Variants in LRRC37A observed in about 807,000 individuals in gnomAD.
LRRC37A encodes the protein leucine rich repeat containing 37A.
A neutral mutation model predicts 35.4 loss-of-function variants in LRRC37A; 3 were observed. The ratio of observed to expected loss-of-function variants is 0.08; its 90% CI spans 0.04 to 0.22. The LOEUF is 0.22. LRRC37A is among the 10% of genes least tolerant of loss of function. LRRC37A has a pLI of 1.00. For synonymous variants in LRRC37A, 23 were observed against 215.0 expected (o/e 0.11, Z 7.81); for missense variants, 67 against 565.3 (o/e 0.12, Z 8.94).
At chr17:46,317,158 G>A (rs2051192485) in intron 5 of LRRC37A, among the ~76,000 whole-genome samples, 2 of 90,386 alleles carry the variant, frequency 2.2e-5, no homozygotes, top group Admixed American at 1.1e-4. Context: ...CGGCCGGGCA[G>A]AGGCGCTCCT....
upstream of LRRC37A, among the ~76,000 whole-genome samples, chr17:46,290,888 C>G (rs545626006): frequency 2.7e-3 from 404 of 151,240 alleles, no homozygotes; most frequent in Admixed American, 4.8e-3. Context: ...TAAGGTCCAT[C>G]TGTACCTGAA....
intron 10 of LRRC37A, among the ~76,000 whole-genome samples, chr17:46,334,441 CT>C (rs1397118676): frequency 3.0e-4 from 1 of 3,384 alleles, no homozygotes; most frequent in South Asian, 2.2e-3. Context: ...CTTTCCTTTC[CT>C]TTTTTTTCCC....
At chr17:46,255,008 G>A in the LRRC37A span, among the ~76,000 whole-genome samples, 2 of 149,184 alleles carry the variant, frequency 1.3e-5, no homozygotes, top group African/African-American at 5.0e-5. Context: ...GCTAATTTTT[G>A]TATTTTTAGT....
chr17:46,293,878 T>C, upstream of LRRC37A: 1 of 246,106 alleles, frequency 4.1e-6, no homozygotes, highest in African/African-American at 2.2e-5. Context: ...TGGACTCTCT[T>C]CCATTTTATT....
the LRRC37A span, among the ~76,000 whole-genome samples, chr17:46,257,602 C>T: frequency 3.7e-3 from 559 of 151,650 alleles, 3 homozygotes; most frequent in Non-Finnish European, 5.8e-3. Context: ...TTACTTGAAC[C>T]CAGGAGTTCC....
At chr17:46,268,745 T>G in the LRRC37A span, 3 of 1,296,428 alleles carry the variant, frequency 2.3e-6, no homozygotes, top group Non-Finnish European at 3.1e-6. Flanking sequence ...CAACAAGACA[T>G]GAAAGGTCTA....
chr17:46,275,361 G>A, the LRRC37A span: 14 of 989,708 alleles, frequency 1.4e-5, no homozygotes, highest in African/African-American at 2.5e-4. Context: ...TGTGTTTTAT[G>A]TTAGGTTAAC....
At chr17:46,252,120 G>C in the LRRC37A span, among the ~76,000 whole-genome samples, 1 of 152,206 alleles carries the variant, frequency 6.6e-6, no homozygotes, top group Non-Finnish European at 1.5e-5. Context: ...TCAGTTGTCT[G>C]AAATTTTTGC....
chr17:46,259,867 TC>T, the LRRC37A span: 7 of 1,563,194 alleles, frequency 4.5e-6, no homozygotes, highest in Admixed American at 1.3e-4. Context: ...CCCTAACTTG[TC>T]CCTTGCCAAG....
upstream of LRRC37A, among the ~76,000 whole-genome samples, chr17:46,288,773 G>A (rs2049989330): frequency 1.3e-5 from 2 of 150,128 alleles, no homozygotes; most frequent in South Asian, 2.1e-4. Context: ...GCACAATCTC[G>A]GCTCAGTGTA....
intron 2 of LRRC37A, among the ~76,000 whole-genome samples, chr17:46,300,206 C>T (rs1259028758): frequency 2.6e-5 from 1 of 38,456 alleles, no homozygotes; most frequent in Non-Finnish European, 8.8e-5. Context: ...CTTCACCTCC[C>T]AGGCCCAAGT....
At chr17:46,267,012 C>G in the LRRC37A span, 2 of 174,592 alleles carry the variant, frequency 1.1e-5, no homozygotes, top group Admixed American at 6.4e-5. Flanking sequence ...CCCGGCTCGC[C>G]GCCCGCGCCG....
At chr17:46,283,139 C>T in the LRRC37A span, among the ~76,000 whole-genome samples, 3 of 152,124 alleles carry the variant, frequency 2.0e-5, no homozygotes, top group South Asian at 6.2e-4. Context: ...ATAAAATAAC[C>T]GAGTATGCAC....
chr17:46,291,969 C>CAAAAAAA (rs59554870), upstream of LRRC37A, among the ~76,000 whole-genome samples: 74 of 58,042 alleles, frequency 1.3e-3, no homozygotes, highest in African/African-American at 1.5e-3. Context: ...TCTCAAAAAG[C>CAAAAAAA]AAAAAAAAAA....
the LRRC37A span, among the ~76,000 whole-genome samples, chr17:46,264,536 G>A: frequency 6.6e-6 from 1 of 152,208 alleles, no homozygotes; most frequent in South Asian, 2.1e-4. Context: ...TGTGTGGCTT[G>A]TTTATAGAAA....
the LRRC37A span, among the ~76,000 whole-genome samples, chr17:46,274,368 C>G: frequency 6.6e-6 from 1 of 152,228 alleles, no homozygotes; most frequent in Non-Finnish European, 1.5e-5. Context: ...ATTCAAGTCA[C>G]CAGAGTCTGT....
At chr17:46,286,784 T>G in the LRRC37A span, among the ~76,000 whole-genome samples, 1 of 152,270 alleles carries the variant, frequency 6.6e-6, no homozygotes, top group South Asian at 2.1e-4. Flanking sequence ...GTGATGCTCT[T>G]ATTAGAACTC....
rs370300274 is a variant in LRRC37A, at chr17:46,322,332, C to A, written c.2917C>A (p.His973Asn). The A allele has an allele frequency of 5.7e-5, 44 of 772,396 alleles. 11 individuals carry two copies. Among genetic ancestry groups the A allele is most frequent in the Admixed American group, 5.6e-4 (19 of 33,722 alleles). The allele number at this position is 772,396 out of a possible 1,614,324, so 47.8% of individuals were successfully genotyped here. ...TATTCCATTTTTCAGAATTCTCAAT[C>A]ACAATCCTCTGACAACTGTTGAAGA... The change falls in exon 6 of 14, where the codon CAC becomes AAC. Residue 973 changes from histidine to asparagine, a missense_variant. Transcript: ENST00000320254.
chr17:46,300,034 G>C (rs2050291186), intron 2 of LRRC37A, among the ~76,000 whole-genome samples, 169 bp downstream of exon 2: 1 of 38,114 alleles, frequency 2.6e-5, no homozygotes, highest in African/African-American at 5.7e-5. Flanking sequence ...AATTTGGTAG[G>C]CTCTCTTTAA....
Sources: allele counts gnomAD v4.1 joint callset (sites outside exome capture counted in the v4.1 genomes callset), GRCh38; gene constraint gnomAD v4.1.1; transcripts MANE v1.5; gene names NCBI Gene and HGNC (gene_info 2026-07-23, HGNC 2026-07-21).